PTPRE: variants seen among roughly 807,000 people sequenced by gnomAD.
PTPRE encodes the protein receptor-type tyrosine-protein phosphatase epsilon.
PTPRE carries 51 observed loss-of-function variants against 102.0 expected under a neutral mutation model. The observed-to-expected ratio is 0.50, with a 90% confidence interval of 0.40 to 0.63. The LOEUF (loss-of-function observed/expected upper bound fraction) is 0.63. Ranked by LOEUF, PTPRE falls within the 30% of genes least tolerant of loss-of-function variation. The pLI is 0.00. For missense variants in PTPRE, 752 were observed against 915.1 expected, an observed-to-expected ratio of 0.82 and a Z score of 2.30; for synonymous variants, 345 against 348.2, an observed-to-expected ratio of 0.99 and a Z score of 0.10.
At chr10:127,986,976 G>T (rs1296436698) in intron 2 of PTPRE, among the ~76,000 whole-genome samples, 2 of 152,146 alleles carry the variant, frequency 1.3e-5, no homozygotes, top group Non-Finnish European at 2.9e-5. Flanking sequence ...GATTCCACGG[G>T]TTTCTATCCA....
chr10:127,923,641 A>G (rs1846785792), intron 1 of PTPRE, among the ~76,000 whole-genome samples: 1 of 152,054 alleles, frequency 6.6e-6, no homozygotes, highest in Non-Finnish European at 1.5e-5. Flanking sequence ...TGACCTCGTG[A>G]TCCACCTGCC....
intron 1 of PTPRE, among the ~76,000 whole-genome samples, chr10:127,974,353 C>A (rs1850984502): frequency 6.6e-6 from 1 of 152,238 alleles, no homozygotes; most frequent in South Asian, 2.1e-4. Flanking sequence ...AAGCCAGGAT[C>A]CAACTTATTT....
intron 10 of PTPRE, among the ~76,000 whole-genome samples, chr10:128,063,806 T>C (rs1849825906): frequency 6.6e-6 from 1 of 152,052 alleles, no homozygotes; most frequent in Admixed American, 6.5e-5. Flanking sequence ...AATTCAGGGC[T>C]GAGAAGTGGT....
rs768544057 is a variant in PTPRE, at chr10:128,077,831, A to AC, written c.1892+55dup. 5.5e-5 allele frequency: 84 copies of AC among 1,535,830 alleles called. 1 individual carries two copies. Among genetic ancestry groups the AC allele is most frequent in the South Asian group, 1.8e-4 (15 of 81,786 alleles). ...TCCAGGTGGGGTGGACACAGGCTGC[A>AC]CCCCCCCAGTACCCGCAGCTGTGGG... On this transcript the variant is annotated intron_variant, in intron 19 of 20. Coordinates refer to ENST00000254667, the MANE Select transcript of PTPRE (RefSeq NM_006504.6).
chr10:128,054,261 C>T (rs866593403), intron 6 of PTPRE, among the ~76,000 whole-genome samples: 3 of 152,146 alleles, frequency 2.0e-5, no homozygotes, highest in South Asian at 4.1e-4. Context: ...GTCCACACGT[C>T]AGGGTTTGTG....
chr10:128,040,262 C>T (rs1490336161), intron 2 of PTPRE, among the ~76,000 whole-genome samples: 1 of 152,088 alleles, frequency 6.6e-6, no homozygotes, highest in African/African-American at 2.4e-5. Context: ...AGGAGCTAGA[C>T]CGAGTGTGCT....
chr10:128,018,411 G>A (rs1347987596), intron 2 of PTPRE, among the ~76,000 whole-genome samples: 3 of 152,164 alleles, frequency 2.0e-5, no homozygotes, highest in African/African-American at 7.2e-5. Context: ...CCATCATCTC[G>A]CAGATCTGTG....
At chr10:128,011,365 G>A (rs544144583) in intron 2 of PTPRE, among the ~76,000 whole-genome samples, 4 of 152,356 alleles carry the variant, frequency 2.6e-5, no homozygotes, top group Admixed American at 2.6e-4. Flanking sequence ...TGGTGAAGTG[G>A]TTACGTTTCT....
chr10:127,981,051 G>T (rs181949869), intron 1 of PTPRE, among the ~76,000 whole-genome samples: 4 of 152,116 alleles, frequency 2.6e-5, no homozygotes, highest in Non-Finnish European at 5.9e-5. Flanking sequence ...CAAAACAAGC[G>T]AGCTAAATTC....
intron 1 of PTPRE, among the ~76,000 whole-genome samples, chr10:127,925,812 C>G (rs770231518): frequency 1.5e-4 from 23 of 152,126 alleles, no homozygotes; most frequent in Middle Eastern, 3.2e-3. Context: ...CAGGAAGGAC[C>G]TCCCCTGGGA....
intron 1 of PTPRE, among the ~76,000 whole-genome samples, chr10:127,963,751 T>C (rs1475469872): frequency 2.0e-5 from 3 of 151,952 alleles, no homozygotes; most frequent in Non-Finnish European, 2.9e-5. Flanking sequence ...CTGGGGATAG[T>C]CTCTAGCAGT....
chr10:128,006,007 A>G (rs1235092851), intron 2 of PTPRE, among the ~76,000 whole-genome samples: 1 of 152,154 alleles, frequency 6.6e-6, no homozygotes, highest in Non-Finnish European at 1.5e-5. Flanking sequence ...CTTCTTATAA[A>G]GACACCAGTC....
intron 1 of PTPRE, among the ~76,000 whole-genome samples, chr10:127,957,990 G>T (rs1400784570): frequency 1.3e-5 from 2 of 152,124 alleles, no homozygotes; most frequent in East Asian, 3.8e-4. Flanking sequence ...AATTTCACTT[G>T]TTCACTTCTG....
chr10:128,073,833 T>C (rs1850993961), intron 17 of PTPRE, among the ~76,000 whole-genome samples: 1 of 152,234 alleles, frequency 6.6e-6, no homozygotes, highest in South Asian at 2.1e-4. Context: ...TTACCAACAA[T>C]GTACATCTAT....
chr10:128,034,521 C>A (rs186170333), intron 2 of PTPRE, among the ~76,000 whole-genome samples: 2 of 151,680 alleles, frequency 1.3e-5, no homozygotes, highest in African/African-American at 2.4e-5. Context: ...GAGACCCCCC[C>A]CATCTTTACG....
chr10:127,970,014 G>T (rs115460008), intron 1 of PTPRE, among the ~76,000 whole-genome samples: 2 of 152,176 alleles, frequency 1.3e-5, no homozygotes, highest in African/African-American at 4.8e-5. Context: ...GGATTCTTTT[G>T]TGACCTCGAG....
In PTPRE at chr10:128,070,721, C is replaced by G; in HGVS notation, c.1294-87C>G. On this transcript the variant is annotated intron_variant, in intron 14 of 20. Coordinates refer to ENST00000254667, the MANE Select transcript of PTPRE (RefSeq NM_006504.6). This position sits in a 1 kb window ranked among gnomAD's most constrained non-coding sequence, Gnocchi z 4.8. ...GAGTGGTTTCCTTTGAGCAGGCGTCCTTGCCAGCAGCACTAGTCCTCGGCT... is the reference window on the plus strand; with the variant it reads ...GAGTGGTTTCCTTTGAGCAGGCGTCGTTGCCAGCAGCACTAGTCCTCGGCT... 7.0e-7 allele frequency: 1 copy of G among 1,427,916 alleles called. No homozygotes were observed. The highest frequency in any genetic ancestry group is 9.7e-7 in the Non-Finnish European group (1 of 1,033,390). 88.5% of individuals were successfully genotyped at this position (1,427,916 alleles called of 1,614,324 possible). A position where few individuals can be genotyped will look rare whatever the true frequency, so the allele number is the denominator to read the frequency against.
chr10:128,041,015 C>A, intron 3 of PTPRE, 25 bp downstream of exon 3: 1 of 1,595,870 alleles, frequency 6.3e-7, no homozygotes, highest in Non-Finnish European at 8.6e-7. Flanking sequence ...CCCTGGCTGC[C>A]TCCCCTACTA....
In PTPRE at chr10:128,073,448, A is replaced by G. The variant is rs1415809540; in HGVS notation, c.1576A>G (p.Thr526Ala). 3 of 1,613,970 alleles carry G rather than the reference A, an allele frequency of 1.9e-6. No individual in the cohort carries two copies. The highest frequency in any genetic ancestry group is 1.1e-5 in the South Asian group (1 of 91,070). Reference protein sequence around the residue: ...EWKSHTIVMLTEVQEREQDKC... With the variant: ...EWKSHTIVMLAEVQEREQDKC... Reference sequence around the variant, plus strand: ...GAAATCCCACACTATCGTGATGCTGACGGAGGTGCAGGAGAGAGAGCAGGT... The same window carrying G: ...GAAATCCCACACTATCGTGATGCTGGCGGAGGTGCAGGAGAGAGAGCAGGT... Residue 526 changes from threonine (T) to alanine (A), a missense_variant, in exon 17 of 21, where the codon ACG becomes GCG. By Grantham distance (58) the Thr-to-Ala change is moderately conservative. Transcript: ENST00000254667.
Sources: gnomAD v4.1 joint callset for allele counts (sites outside exome capture counted in the v4.1 genomes callset) on GRCh38, gnomAD v4.1.1 for gene constraint, Gnocchi (gnomAD v3.1) non-coding constraint, MANE v1.5 for transcripts, NCBI Gene and HGNC (gene_info 2026-07-23, HGNC 2026-07-21) for gene names.